SPTBN1: variants seen among roughly 807,000 people sequenced by gnomAD.
SPTBN1 encodes the protein spectrin beta, non-erythrocytic 1.
SPTBN1 carries 32 observed loss-of-function variants against 266.4 expected under a neutral mutation model. That is an observed-to-expected ratio of 0.12 (90% CI 0.09 to 0.16). SPTBN1 has a LOEUF of 0.16. Among genes scored for constraint, SPTBN1 ranks in the 10% least tolerant of loss-of-function variants. The pLI is 1.00. For missense variants in SPTBN1, 2,296 were observed against 3,067.1 expected, an observed-to-expected ratio of 0.75 and a Z score of 5.94; for synonymous variants, 1,336 against 1,162.2, an observed-to-expected ratio of 1.15 and a Z score of -3.04.
chr2:54,592,885 T>A (rs924237675), intron 2 of SPTBN1, among the ~76,000 whole-genome samples: 1 of 152,194 alleles, frequency 6.6e-6, no homozygotes, highest in Non-Finnish European at 1.5e-5. Flanking sequence ...TAGCAGCCCT[T>A]AACCTCACTG....
chr2:54,549,366 A>C (rs1356879475), intron 2 of SPTBN1, among the ~76,000 whole-genome samples: 1 of 151,586 alleles, frequency 6.6e-6, no homozygotes, highest in African/African-American at 2.4e-5. Context: ...TATGTCCTCC[A>C]TGCTGCAGCA....
chr2:54,655,683 A>G (rs1173300936), intron 28 of SPTBN1, among the ~76,000 whole-genome samples: 1 of 152,238 alleles, frequency 6.6e-6, no homozygotes, highest in Non-Finnish European at 1.5e-5. Context: ...CCTCCTCACG[A>G]CAAAACAGCT....
chr2:54,620,536 C>A (rs1175852298), intron 7 of SPTBN1, among the ~76,000 whole-genome samples: 1 of 152,128 alleles, frequency 6.6e-6, no homozygotes, highest in African/African-American at 2.4e-5. Context: ...GCAATTTCAC[C>A]TCCTTAGGAG....
chr2:54,539,532 A>C (rs1671811933), intron 2 of SPTBN1, among the ~76,000 whole-genome samples: 1 of 151,980 alleles, frequency 6.6e-6, no homozygotes, highest in Non-Finnish European at 1.5e-5. Context: ...GTATCTTTTG[A>C]GATATTTTCT....
At chr2:54,476,661 A>G (rs543030509) in intron 1 of SPTBN1, among the ~76,000 whole-genome samples, 30 of 152,346 alleles carry the variant, frequency 2.0e-4, no homozygotes, top group Middle Eastern at 3.4e-3. Context: ...TTTGTTGAAC[A>G]TGCTTTGGGA....
At chr2:54,633,758 G>C (rs1678925752) in intron 17 of SPTBN1, among the ~76,000 whole-genome samples, 2 of 152,164 alleles carry the variant, frequency 1.3e-5, no homozygotes, top group South Asian at 4.1e-4. Context: ...TACCACATCT[G>C]AGAGGGTTTC....
chr2:54,616,247 A>G lies in SPTBN1; in HGVS notation c.515A>G (p.Lys172Arg). Residue 172 changes from lysine (K) to arginine (R), a missense_variant, in exon 5 of 36, where the codon AAG becomes AGG. Lys to Arg is a conservative substitution (Grantham distance 26). This residue lies in a region of SPTBN1 where 178 missense variants were observed against 375.7 expected (regional missense o/e 0.47). Coordinates refer to ENST00000356805, the MANE Select transcript of SPTBN1 (RefSeq NM_003128.3). Reference sequence around the variant, plus strand: ...GTGGAAACTGAAGACAACAAAGAGAAGAAATCTGCCAAGGATGCATTGCTG... The same window carrying G: ...GTGGAAACTGAAGACAACAAAGAGAGGAAATCTGCCAAGGATGCATTGCTG... ...ISVETEDNKE[K>R]KSAKDALLLW... is the part of the protein sequence containing the mutation. The G allele has an allele frequency of 2.5e-6, 4 of 1,614,122 alleles. No homozygotes were observed. The highest frequency in any genetic ancestry group is 3.4e-6 in the Non-Finnish European group (4 of 1,179,956).
chr2:54,617,438 G>T (rs2103837184), intron 5 of SPTBN1, among the ~76,000 whole-genome samples, 170 bp from the exon 6 acceptor site: 1 of 152,292 alleles, frequency 6.6e-6, no homozygotes, highest in East Asian at 1.9e-4. Flanking sequence ...TTTATTTTAT[G>T]GCAGGCTCGA....
At chr2:54,606,060 A>AGG (rs1457316394) in intron 3 of SPTBN1, among the ~76,000 whole-genome samples, 1 of 152,180 alleles carries the variant, frequency 6.6e-6, no homozygotes, top group Non-Finnish European at 1.5e-5. Flanking sequence ...GTAGAGAGAG[A>AGG]ATAGAGTTGT....
At chr2:54,559,355 G>A (rs1673120910) in intron 2 of SPTBN1, among the ~76,000 whole-genome samples, 3 of 152,072 alleles carry the variant, frequency 2.0e-5, no homozygotes, top group South Asian at 2.1e-4. Flanking sequence ...CTAAGCCTTT[G>A]GTAAATTACA....
At chr2:54,473,508 T>G (rs964584321) in intron 1 of SPTBN1, among the ~76,000 whole-genome samples, 13 of 144,020 alleles carry the variant, frequency 9.0e-5, no homozygotes, top group African/African-American at 2.7e-4. Context: ...GTTTTGTTTT[T>G]TTTTTAAGCA....
At position 54,632,722 on chromosome 2, in the gene SPTBN1, A is replaced by G. The variant is rs529141161; in HGVS notation, c.3721A>G (p.Ile1241Val). 15 of 1,614,128 alleles carry G rather than the reference A, an allele frequency of 9.3e-6. No individual in the cohort carries two copies. The highest frequency in any genetic ancestry group is 2.2e-5 in the East Asian group (1 of 44,892). Residue 1241 changes from isoleucine (I) to valine (V), a missense_variant, in exon 17 of 36, where the codon ATC (isoleucine) becomes GTC (valine). Physicochemically the swap from Ile to Val is conservative, Grantham distance 29. Coordinates refer to ENST00000356805, the MANE Select transcript of SPTBN1 (RefSeq NM_003128.3). ...TGRRLVSDGN[I>V]NSDRIQEKVD... is the part of the protein sequence containing the mutation. Reference sequence around the variant, plus strand: ...CCGGAGGCTGGTGAGCGATGGGAACATCAACTCAGATCGCATCCAGGAGAA... The same window carrying G: ...CCGGAGGCTGGTGAGCGATGGGAACGTCAACTCAGATCGCATCCAGGAGAA...
intron 1 of SPTBN1, among the ~76,000 whole-genome samples, chr2:54,468,298 C>A (rs1693739917): frequency 6.7e-6 from 1 of 149,546 alleles, no homozygotes; most frequent in Admixed American, 6.7e-5. Context: ...CAGAGTGAGA[C>A]TCAGTCTCAA....
intron 28 of SPTBN1, among the ~76,000 whole-genome samples, chr2:54,655,641 GTCCCTC>G (rs1196215716): frequency 6.6e-6 from 1 of 152,200 alleles, no homozygotes; most frequent in Non-Finnish European, 1.5e-5. Flanking sequence ...CCGTCTTGCT[GTCCCTC>G]TCCTGAACGT....
intron 1 of SPTBN1, among the ~76,000 whole-genome samples, chr2:54,486,188 C>T (rs565627011): frequency 9.9e-4 from 151 of 152,088 alleles, no homozygotes; most frequent in Middle Eastern, 3.4e-3. Context: ...TGAGGAGCCC[C>T]TCTGCCCGGC....
At chr2:54,520,656 T>TGCCACCCCAC (rs1670380047) in intron 1 of SPTBN1, among the ~76,000 whole-genome samples, 1 of 145,184 alleles carries the variant, frequency 6.9e-6, no homozygotes, top group Non-Finnish European at 1.5e-5. Flanking sequence ...CCCTACCCCA[T>TGCCACCCCAC]GCCACCCCAC....
At chr2:54,518,145 G>A (rs370993856) in intron 1 of SPTBN1, among the ~76,000 whole-genome samples, 5 of 151,938 alleles carry the variant, frequency 3.3e-5, no homozygotes, top group African/African-American at 9.7e-5. Flanking sequence ...ATGCAATCTC[G>A]GTCCTTTTTT....
chr2:54,629,573 G>A lies in SPTBN1; in HGVS notation c.2439G>A (p.Glu813=), dbSNP rs1263974236. The change falls in exon 14 of 36, where the codon GAG becomes GAA. Residue 813 remains glutamate (E), a synonymous_variant. Transcript: ENST00000356805. The part of the protein sequence containing the change: ...LHEQASALPQ[E]HAESPDVRGR... The stretch of plus-strand genomic sequence containing the variant: ...AACAAGCCAGCGCCCTCCCCCAGGA[G>A]CATGCCGAGTCTCCAGACGTGAGGG... 2 of 1,614,088 alleles carry A rather than the reference G, an allele frequency of 1.2e-6. No individual in the cohort carries two copies.
chr2:54,634,605 T>G, intron 17 of SPTBN1, among the ~76,000 whole-genome samples: 1 of 152,204 alleles, frequency 6.6e-6, no homozygotes, highest in East Asian at 1.9e-4. Flanking sequence ...TAGAGGGTAC[T>G]TGTCAGTTAT....
Sources: gnomAD v4.1 joint callset for allele counts (sites outside exome capture counted in the v4.1 genomes callset) on GRCh38, gnomAD v4.1.1 for gene constraint, gnomAD v4.1.1 regional missense constraint, MANE v1.5 for transcripts, NCBI Gene and HGNC (gene_info 2026-07-23, HGNC 2026-07-21) for gene names.